The following ANO4 variants were observed in gnomAD, a reference collection of about 807,000 sequenced individuals.
The protein encoded by ANO4 is anoctamin 4, also known as anoctamin-4.
ANO4 carries 69 observed loss-of-function variants against 141.9 expected under a neutral mutation model. That is an observed-to-expected ratio of 0.49 (90% CI 0.40 to 0.59). The LOEUF is 0.59. Ranked by LOEUF, ANO4 falls within the 20% of genes least tolerant of loss-of-function variation. The pLI, the probability that ANO4 is intolerant of heterozygous loss-of-function variation, is 0.00. For synonymous variants in ANO4, 350 were observed against 394.3 expected, an observed-to-expected ratio of 0.89 and a Z score of 1.33; for missense variants, 894 against 1,162.2, an observed-to-expected ratio of 0.77 and a Z score of 3.36.
At chr12:100,854,272 T>C (rs1358809135) in intron 1 of ANO4, among the ~76,000 whole-genome samples, 3 of 152,188 alleles carry the variant, frequency 2.0e-5, no homozygotes, top group Non-Finnish European at 2.9e-5. Flanking sequence ...AGTCTGTCAA[T>C]GTAATTATGG....
intron 9 of ANO4, among the ~76,000 whole-genome samples, chr12:101,022,333 C>T (rs11110629): frequency 0.017 from 2,622 of 152,288 alleles, 35 homozygotes; most frequent in Non-Finnish European, 0.028. Flanking sequence ...ATTCTTCTCT[C>T]TTCTGAATTC....
chr12:100,994,711 G>A lies in ANO4; in HGVS notation c.734+7041G>A, dbSNP rs149165841. 1.2e-3 allele frequency among the ~76,000 whole-genome samples: 183 copies of A among 152,290 alleles called. 1 individual carries two copies. The highest frequency in any genetic ancestry group is 4.1e-3 in the African/African-American group (172 of 41,550). The stretch of plus-strand genomic sequence containing the variant: ...TTTATGCTATGCTACGTGCACATAT[G>A]TTTAAATATATATTCACTCATCCAC... On this transcript the variant is annotated intron_variant, in intron 8 of 27. Coordinates refer to ENST00000392977, the MANE Select transcript of ANO4 (RefSeq NM_001286615.2).
intron 7 of ANO4, 42 bp downstream of exon 7, chr12:100,974,931 T>C: frequency 6.2e-7 from 1 of 1,605,740 alleles, no homozygotes; most frequent in Non-Finnish European, 8.5e-7. Flanking sequence ...GTCTTTCTGT[T>C]GGCCCGTGTG....
intron 3 of ANO4, among the ~76,000 whole-genome samples, chr12:100,750,335 G>C (rs755484402): frequency 6.7e-6 from 1 of 149,930 alleles, no homozygotes; most frequent in African/African-American, 2.5e-5. Context: ...GTAGAGACAG[G>C]GTTTCGTCAT....
At chr12:100,723,122 A>C (rs2030941477) in intron 1 of ANO4, among the ~76,000 whole-genome samples, 1 of 152,208 alleles carries the variant, frequency 6.6e-6, no homozygotes, top group Non-Finnish European at 1.5e-5. Flanking sequence ...TCAGCCCTTC[A>C]TATTTTGTAA....
intron 1 of ANO4, among the ~76,000 whole-genome samples, chr12:100,853,261 T>C (rs937125586): frequency 2.0e-5 from 3 of 152,180 alleles, no homozygotes; most frequent in African/African-American, 4.8e-5. Flanking sequence ...CAAAGCTCTC[T>C]TAATAATTTA....
chr12:101,003,053 G>A (rs1167894407), intron 8 of ANO4, among the ~76,000 whole-genome samples: 2 of 152,086 alleles, frequency 1.3e-5, no homozygotes, highest in Non-Finnish European at 2.9e-5. Context: ...GATTGCCACA[G>A]CTTCTCCATC....
intron 1 of ANO4, among the ~76,000 whole-genome samples, chr12:100,812,085 G>C (rs1439595073): frequency 6.6e-6 from 1 of 152,036 alleles, no homozygotes; most frequent in African/African-American, 2.4e-5. Flanking sequence ...CCCACAGACT[G>C]TAGTAGGCAC....
At chr12:100,852,677 A>G (rs2037940645) in intron 1 of ANO4, among the ~76,000 whole-genome samples, 1 of 152,174 alleles carries the variant, frequency 6.6e-6, no homozygotes, top group Non-Finnish European at 1.5e-5. Flanking sequence ...TGCCTTGAAT[A>G]CCAGCTATAC....
At chr12:100,922,078 TTTC>T (rs201933930) in intron 2 of ANO4, 145 bp from the exon 3 acceptor site, 232 of 482,956 alleles carry the variant, frequency 4.8e-4, no homozygotes, top group African/African-American at 3.8e-3. Flanking sequence ...TTTTTTTTTT[TTTC>T]TTAAGTCCTT....
chr12:101,023,722 T>C (rs2136511567), intron 9 of ANO4, among the ~76,000 whole-genome samples: 1 of 152,278 alleles, frequency 6.6e-6, no homozygotes, highest in Non-Finnish European at 1.5e-5. Context: ...TGGAATCATA[T>C]CTAATTAGAA....
chr12:101,026,261 C>T (rs916095538), intron 9 of ANO4, among the ~76,000 whole-genome samples: 39 of 152,070 alleles, frequency 2.6e-4, no homozygotes, highest in African/African-American at 9.2e-4. Flanking sequence ...TTTTAAAAAC[C>T]AAATCACTTA....
intron 2 of ANO4, among the ~76,000 whole-genome samples, chr12:100,734,835 A>G (rs959774804): frequency 6.6e-6 from 1 of 152,262 alleles, no homozygotes; most frequent in Non-Finnish European, 1.5e-5. Context: ...TCAAACATAG[A>G]ACTATATATA....
At chr12:101,007,173 C>T (rs916064994) in intron 8 of ANO4, among the ~76,000 whole-genome samples, 3 of 151,968 alleles carry the variant, frequency 2.0e-5, no homozygotes, top group African/African-American at 2.4e-5. Context: ...GCCAACGTGG[C>T]GAAACCCTGT....
At position 100,903,475 on chromosome 12, in the gene ANO4, A is replaced by T. The variant is rs868662868; in HGVS notation, c.55+1635A>T. Among the ~76,000 whole-genome samples, 7 of 152,186 alleles carry T rather than the reference A, an allele frequency of 4.6e-5. No homozygotes were observed. The South Asian group carries it at 6.2e-4, about 14-fold the overall frequency. On this transcript the variant is annotated intron_variant, in intron 2 of 27. Coordinates refer to ENST00000392977, the MANE Select transcript of ANO4 (RefSeq NM_001286615.2). ...GTTCAAACTTCTTAGCATGTTAAAAACAAATGCCTTTTGTGATCTGGCCCC... is the reference window on the plus strand; with the variant it reads ...GTTCAAACTTCTTAGCATGTTAAAATCAAATGCCTTTTGTGATCTGGCCCC...
In ANO4 at chr12:100,917,645, C is replaced by T. The variant is rs374625109; in HGVS notation, c.56-4581C>T. ...TCCATTTAGGAAAGCTTACAAAAGT[C>T]CTTGTTTTACAGCTCCCTCTCCTTT... is the stretch of plus-strand genomic sequence containing the variant. On this transcript the variant is annotated intron_variant, in intron 2 of 27. Transcript: ENST00000392977. Among the ~76,000 whole-genome samples, 3 of 152,274 alleles carry T rather than the reference C, an allele frequency of 2.0e-5. No homozygotes were observed. The South Asian group carries it at 6.2e-4, about 32-fold the overall frequency.
intron 18 of ANO4, 84 bp from the exon 19 acceptor site, chr12:101,096,452 C>A: frequency 9.3e-7 from 1 of 1,078,840 alleles, no homozygotes; most frequent in Non-Finnish European, 1.4e-6. Flanking sequence ...GCGTCCCCAC[C>A]CTGTGTGTGT....
intron 9 of ANO4, among the ~76,000 whole-genome samples, chr12:101,025,588 T>A (rs150068370): frequency 6.6e-6 from 1 of 152,128 alleles, no homozygotes; most frequent in African/African-American, 2.4e-5. Flanking sequence ...GAAAGAACCA[T>A]CCAAAAGAAT....
chr12:100,951,760 A>G lies in ANO4; in HGVS notation c.456+9225A>G, dbSNP rs550353493. ...CTGAGTTTGCTACAAAAGATTGTGG[A>G]TAGCTGATTTTCACAGCTGAGTCTG... On this transcript the variant is annotated intron_variant, in intron 5 of 27. Coordinates refer to ENST00000392977, the MANE Select transcript of ANO4 (RefSeq NM_001286615.2). Among the ~76,000 whole-genome samples, 172 of 152,306 alleles carry G rather than the reference A, an allele frequency of 1.1e-3. 3 individuals are homozygous for G. Among genetic ancestry groups the G allele is most frequent in the Non-Finnish European group, 1.3e-4 (9 of 68,034 alleles).
Sources: allele counts gnomAD v4.1 joint callset (sites outside exome capture counted in the v4.1 genomes callset), GRCh38; gene constraint gnomAD v4.1.1; transcripts MANE v1.5; gene names NCBI Gene and HGNC (gene_info 2026-07-23, HGNC 2026-07-21).